The following SLC2A11 variants were observed in gnomAD, a reference collection of about 807,000 sequenced individuals.
The protein encoded by SLC2A11 is solute carrier family 2 member 11.
SLC2A11 carries 43 observed loss-of-function variants against 52.1 expected under a neutral mutation model. That is an observed-to-expected ratio of 0.82 (90% confidence interval 0.65 to 1.06). SLC2A11 has a LOEUF of 1.06. Among genes scored for constraint, SLC2A11 ranks in the 50% least tolerant of loss-of-function variants. SLC2A11 has a pLI of 0.00. For synonymous variants in SLC2A11, 261 were observed against 277.6 expected (o/e 0.94, Z 0.59); for missense variants, 582 against 654.2 (o/e 0.89, Z 1.20).
intron 4 of SLC2A11, 106 bp from the exon 5 acceptor site, chr22:23,876,936 G>A (rs565015174): frequency 1.3e-6 from 2 of 1,574,598 alleles, no homozygotes; most frequent in Middle Eastern, 1.9e-4. Context: ...CCAGGATCCA[G>A]TTGAGTGGCT....
At position 23,883,768 on chromosome 22, in the gene SLC2A11, G is replaced by A; in HGVS notation, c.994-4G>A. The A allele has an allele frequency of 1.3e-6, 2 of 1,519,130 alleles. No individual in the cohort carries two copies. The highest frequency in any genetic ancestry group is 4.8e-5 in the East Asian group (2 of 41,580). 94.1% of individuals were successfully genotyped at this position (1,519,130 alleles called of 1,614,324 possible). ...GTGTGGGTCTGTGCTTTCTGCCTTT[G>A]CAGTGTGTGGTAATCGAGAGGGTGG... On this transcript the variant is annotated splice_polypyrimidine_tract_variant and splice_region_variant and intron_variant, in intron 8 of 11. Transcript: ENST00000316185.
rs939727613 is a variant in SLC2A11 at position 23,877,812 on chromosome 22, C to T, written c.637C>T (p.Pro213Ser). ...CCAGCTCGCCTCCCTGCCTCTGCTC[C>T]CTGAAAGCCCGCGCTACCTCCTCAT... ...ALQLASLPLL[P>S]ESPRYLLIDC... Residue 213 changes from proline to serine, a missense_variant, in exon 6 of 12, where the codon CCT becomes TCT. Physicochemically the swap from Pro to Ser is moderately conservative, Grantham distance 74 (BLOSUM62 -1). Transcript: ENST00000316185. 2 of 1,613,350 alleles carry T rather than the reference C, an allele frequency of 1.2e-6. No individual in the cohort carries two copies. Among genetic ancestry groups the T allele is most frequent in the Non-Finnish European group, 1.7e-6 (2 of 1,179,738 alleles).
intron 1 of SLC2A11, among the ~76,000 whole-genome samples, chr22:23,860,309 G>A (rs565036692): frequency 8.2e-4 from 125 of 152,292 alleles, no homozygotes; most frequent in Non-Finnish European, 1.5e-3. Flanking sequence ...AGCTACTTGG[G>A]GGGCTGAGGT....
intron 5 of SLC2A11, 177 bp from the exon 6 acceptor site, chr22:23,877,544 C>G (rs777939934): frequency 3.4e-6 from 3 of 884,508 alleles, no homozygotes; most frequent in Admixed American, 2.0e-5. Context: ...TGGCCCTGTC[C>G]TCTCTTGGTC....
chr22:23,884,400 C>T lies in SLC2A11; in HGVS notation c.1270C>T (p.Leu424=). 1.2e-6 allele frequency: 2 copies of T among 1,613,962 alleles called. No individual in the cohort carries two copies. Among genetic ancestry groups the T allele is most frequent in the Non-Finnish European group, 1.7e-6 (2 of 1,179,960 alleles). The change falls in exon 11 of 12, where the codon CTG becomes TTG. Residue 424 remains leucine (L), a synonymous_variant. Transcript: ENST00000316185. The surrounding 1 kb of genome is among the most constrained non-coding windows in gnomAD (Gnocchi z 4.3). ...GGCGCTCATGTGGATCATGCTCATC[C>T]TGGTCGGCCTGGGATTTCCCTTTAT... The part of the protein sequence containing the change: ...CGALMWIMLI[L]VGLGFPFIME...
Position 23,882,520 on chromosome 22 carries a change from G to T in SLC2A11, c.756G>T (p.Glu252Asp), listed in dbSNP as rs770899658. ...GGGAGCTGGAGGAGCTGGAGGAGGA[G>T]CGCGCTGCCTGCCAGGGCTGCCGTG... ...LAGELEELEEERAACQGCRAR... is the reference protein window; with the variant it reads ...LAGELEELEEDRAACQGCRAR... Residue 252 changes from glutamate (E) to aspartate (D), a missense_variant, in exon 7 of 12, where the codon GAG becomes GAT. Physicochemically the swap from Glu to Asp is conservative, Grantham distance 45. Transcript: ENST00000316185. The T allele has an allele frequency of 1.1e-5, 17 of 1,591,126 alleles. No homozygotes were observed. The South Asian group carries it at 1.9e-4, about 18-fold the overall frequency.
At chr22:23,860,307 G>C (rs2032003612) in intron 1 of SLC2A11, among the ~76,000 whole-genome samples, 1 of 152,124 alleles carries the variant, frequency 6.6e-6, no homozygotes, top group African/African-American at 2.4e-5. Flanking sequence ...CCAGCTACTT[G>C]GGGGGCTGAG....
intron 6 of SLC2A11, among the ~76,000 whole-genome samples, chr22:23,878,290 T>G (rs1195033220): frequency 5.3e-5 from 8 of 151,518 alleles, no homozygotes; most frequent in Non-Finnish European, 7.4e-5. Context: ...CTTTTATTCA[T>G]GTACTTGCCT....
upstream of SLC2A11, chr22:23,857,361 G>A (rs1318856134): frequency 6.1e-5 from 91 of 1,482,474 alleles, no homozygotes; most frequent in Non-Finnish European, 8.0e-5. Context: ...GCACTTGCGA[G>A]GGCGAATGCA....
intron 1 of SLC2A11, among the ~76,000 whole-genome samples, chr22:23,860,188 AG>A (rs1488589164): frequency 6.6e-6 from 1 of 151,846 alleles, no homozygotes; most frequent in African/African-American, 2.4e-5. Context: ...TGGGAGGCCA[AG>A]GCGAGTGTAT....
intron 6 of SLC2A11, 23 bp downstream of exon 6, chr22:23,877,892 C>T (rs777270060): frequency 5.6e-6 from 9 of 1,597,210 alleles, no homozygotes; most frequent in Middle Eastern, 1.7e-4. Context: ...CCTTGGGCTC[C>T]CAGACTGCCC....
At chr22:23,875,324 T>G in intron 4 of SLC2A11, 83 bp downstream of exon 4, 1 of 1,278,964 alleles carries the variant, frequency 7.8e-7, no homozygotes, top group Non-Finnish European at 1.0e-6. Flanking sequence ...CATTTCTTCC[T>G]TCATTTCCTC....
chr22:23,857,869 T>C (rs978778300), upstream of SLC2A11: 31 of 1,537,634 alleles, frequency 2.0e-5, no homozygotes, highest in Non-Finnish European at 2.4e-5. Context: ...GCGCGTGCGC[T>C]AGCGCCTCTT....
chr22:23,874,969 C>T lies in SLC2A11; in HGVS notation c.291-148C>T, dbSNP rs147920736. 632 of 831,266 alleles carry T rather than the reference C, an allele frequency of 7.6e-4. 2 individuals carry two copies. In the African/African-American group the frequency reaches 0.01, roughly 13 times the overall value. 51.5% of individuals were successfully genotyped at this position (831,266 alleles called of 1,614,324 possible). A position where few individuals can be genotyped will look rare whatever the true frequency, so the allele number is the denominator to read the frequency against. The stretch of plus-strand genomic sequence containing the variant: ...CTCATCTCATTTGACAGCAAGGATA[C>T]CAGGACTCAAAGTAGTTAATGGCAT... On this transcript the variant is annotated intron_variant, in intron 3 of 11. Coordinates refer to ENST00000316185, the MANE Select transcript of SLC2A11 (RefSeq NM_001024939.4).
intron 3 of SLC2A11, 41 bp from the exon 4 acceptor site, chr22:23,875,076 G>A: frequency 6.6e-7 from 1 of 1,507,124 alleles, no homozygotes; most frequent in Non-Finnish European, 8.9e-7. Flanking sequence ...CCGCTGGACT[G>A]AATCACAGCC....
upstream of SLC2A11, chr22:23,857,056 A>G: frequency 1.5e-6 from 1 of 657,842 alleles, no homozygotes; most frequent in African/African-American, 2.2e-5. Flanking sequence ...GGATACCTGA[A>G]CCAAAGTGTG....
chr22:23,876,467 C>T (rs905812917), intron 4 of SLC2A11, among the ~76,000 whole-genome samples: 2 of 152,116 alleles, frequency 1.3e-5, no homozygotes, highest in African/African-American at 4.8e-5. Flanking sequence ...ACTGCATTCC[C>T]AGGGGCGTGA....
At chr22:23,860,858 T>C (rs1341463502) in intron 1 of SLC2A11, among the ~76,000 whole-genome samples, 30 of 149,322 alleles carry the variant, frequency 2.0e-4, no homozygotes, top group African/African-American at 7.4e-4. Context: ...ATTTTTTTTT[T>C]TTTTTGAGAC....
chr22:23,883,604 G>T, intron 8 of SLC2A11, 168 bp from the exon 9 acceptor site: 1 of 550,898 alleles, frequency 1.8e-6, no homozygotes, highest in Non-Finnish European at 3.1e-6. Flanking sequence ...GGCTGAAGTT[G>T]GGTGATTGAT....
Sources: allele counts gnomAD v4.1 joint callset (sites outside exome capture counted in the v4.1 genomes callset), GRCh38; gene constraint gnomAD v4.1.1; non-coding constraint Gnocchi (gnomAD v3.1); transcripts MANE v1.5; gene names NCBI Gene and HGNC (gene_info 2026-07-23, HGNC 2026-07-21).